LRRTM4: variants seen among roughly 807,000 people sequenced by gnomAD.
LRRTM4 encodes leucine rich repeat transmembrane neuronal 4, also known as leucine-rich repeat transmembrane neuronal protein 4.
Under a neutral mutation model 47.6 loss-of-function variants are expected in LRRTM4, and 25 were observed. That is an observed-to-expected ratio of 0.53 (90% CI 0.38 to 0.73). The LOEUF (loss-of-function observed/expected upper bound fraction) is 0.73, where lower values mean the gene tolerates loss of function less well. LRRTM4 is among the 30% of genes least tolerant of loss of function. The probability of loss-of-function intolerance (pLI) is 0.00; values close to 1 mark genes in which losing one functional copy is unlikely to be tolerated. For missense variants in LRRTM4, 638 were observed against 713.4 expected (o/e 0.89, Z 1.20); for synonymous variants, 311 against 269.5 (o/e 1.15, Z -1.51).
chr2:76,882,032 C>A (rs1672945523), intron 3 of LRRTM4, among the ~76,000 whole-genome samples: 1 of 152,092 alleles, frequency 6.6e-6, no homozygotes, highest in Non-Finnish European at 1.5e-5. Context: ...AAACCACAAT[C>A]TGGTGTAAAA....
chr2:77,170,869 T>C (rs1326778452), intron 3 of LRRTM4, among the ~76,000 whole-genome samples: 1 of 150,966 alleles, frequency 6.6e-6, no homozygotes, highest in African/African-American at 2.4e-5. Context: ...TTATTTAATT[T>C]GTGTGTAAAA....
chr2:77,452,195 T>C (rs1285792370), intron 3 of LRRTM4, among the ~76,000 whole-genome samples: 1 of 152,204 alleles, frequency 6.6e-6, no homozygotes, highest in Admixed American at 6.5e-5. Flanking sequence ...GGAGACCAGC[T>C]TACTAAAGAT....
intron 3 of LRRTM4, among the ~76,000 whole-genome samples, chr2:76,761,614 A>G (rs1317303460): frequency 6.6e-6 from 1 of 152,138 alleles, no homozygotes; most frequent in Non-Finnish European, 1.5e-5. Flanking sequence ...TTTGTAAGTA[A>G]TTTAATTTAC....
At position 77,450,960 on chromosome 2, in the gene LRRTM4, A is replaced by C. The variant is rs184458235; in HGVS notation, c.1551+67358T>G. On this transcript the variant is annotated intron_variant, in intron 3 of 3. Transcript: ENST00000409884. Reference sequence around the variant, plus strand: ...GTATTTAGCATTCAAAGAGTTCAACAATCTAACTAAGTATAACTTTCCAAC... The same window carrying C: ...GTATTTAGCATTCAAAGAGTTCAACCATCTAACTAAGTATAACTTTCCAAC... 3.8e-4 allele frequency among the ~76,000 whole-genome samples: 58 copies of C among 152,316 alleles called. 1 individual carries two copies. In the East Asian group the frequency reaches 8.3e-3, roughly 22 times the overall value.
intron 3 of LRRTM4, among the ~76,000 whole-genome samples, chr2:77,227,920 A>C (rs369204561): frequency 6.6e-6 from 1 of 152,082 alleles, no homozygotes; most frequent in Non-Finnish European, 1.5e-5. Flanking sequence ...ATGAGATATC[A>C]TAAGACTAGT....
intron 3 of LRRTM4, among the ~76,000 whole-genome samples, chr2:77,367,523 T>A (rs1304386198): frequency 6.6e-6 from 1 of 151,858 alleles, no homozygotes; most frequent in East Asian, 1.9e-4. Context: ...TCTGCTGTTT[T>A]CACCCTTTTT....
intron 3 of LRRTM4, among the ~76,000 whole-genome samples, chr2:77,141,913 G>A (rs1240011155): frequency 1.3e-5 from 2 of 152,132 alleles, no homozygotes; most frequent in Admixed American, 1.3e-4. Flanking sequence ...GACAATATGA[G>A]CCAAGGGCTT....
intron 3 of LRRTM4, among the ~76,000 whole-genome samples, chr2:76,837,757 C>CA (rs1330147043): frequency 6.6e-6 from 1 of 151,912 alleles, no homozygotes; most frequent in Non-Finnish European, 1.5e-5. Flanking sequence ...TATGCAGCCA[C>CA]AAAAAATTAT....
intron 3 of LRRTM4, among the ~76,000 whole-genome samples, chr2:76,780,320 T>G (rs893571576): frequency 6.6e-6 from 1 of 152,226 alleles, no homozygotes; most frequent in Non-Finnish European, 1.5e-5. Context: ...CTTGCTAGAT[T>G]GGGGAAGTTC....
intron 3 of LRRTM4, among the ~76,000 whole-genome samples, chr2:77,104,354 C>A (rs1671036876): frequency 6.6e-6 from 1 of 152,162 alleles, no homozygotes; most frequent in African/African-American, 2.4e-5. Context: ...ACGTGGTGGT[C>A]AGAGTGACCA....
chr2:76,763,413 T>C (rs1247971347), intron 3 of LRRTM4, among the ~76,000 whole-genome samples: 2 of 152,200 alleles, frequency 1.3e-5, no homozygotes, highest in African/African-American at 4.8e-5. Context: ...GAGAGCTCTC[T>C]CTCTGTACTT....
intron 3 of LRRTM4, among the ~76,000 whole-genome samples, chr2:77,235,568 C>A (rs971655936): frequency 3.3e-5 from 5 of 152,078 alleles, no homozygotes; most frequent in African/African-American, 1.2e-4. Flanking sequence ...CGTTTGAGGA[C>A]ATAGTCATAA....
intron 3 of LRRTM4, among the ~76,000 whole-genome samples, chr2:77,388,100 C>G (rs943693500): frequency 6.6e-6 from 1 of 150,774 alleles, no homozygotes; most frequent in Non-Finnish European, 1.5e-5. Context: ...GAGTGTGATG[C>G]AGGACTGAGG....
intron 3 of LRRTM4, among the ~76,000 whole-genome samples, chr2:76,993,273 G>A (rs546761337): frequency 2.0e-5 from 3 of 151,790 alleles, no homozygotes; most frequent in African/African-American, 7.2e-5. Context: ...TGAGAAGTAG[G>A]GACTAATTAA....
chr2:77,179,778 A>G (rs998505363), intron 3 of LRRTM4, among the ~76,000 whole-genome samples: 1 of 152,174 alleles, frequency 6.6e-6, no homozygotes, highest in Non-Finnish European at 1.5e-5. Context: ...TCCAGGATGC[A>G]GGTCTTAATA....
At chr2:77,032,292 A>G (rs996186751) in intron 3 of LRRTM4, among the ~76,000 whole-genome samples, 2 of 152,148 alleles carry the variant, frequency 1.3e-5, no homozygotes, top group African/African-American at 4.8e-5. Flanking sequence ...AATTTTCATT[A>G]TATCAGAGAG....
chr2:77,355,183 A>G (rs1671924487), intron 3 of LRRTM4, among the ~76,000 whole-genome samples: 1 of 152,204 alleles, frequency 6.6e-6, no homozygotes, highest in Admixed American at 6.5e-5. Flanking sequence ...TACCATATGT[A>G]TATGTAGGTA....
chr2:76,999,449 CA>C (rs35918882), intron 3 of LRRTM4, among the ~76,000 whole-genome samples: 13,753 of 140,292 alleles, frequency 0.098, 1,191 homozygotes, highest in East Asian at 0.23. Flanking sequence ...GGAAACAAAA[CA>C]AAAAAAAAAA....
At chr2:76,822,238 G>C (rs754473107) in intron 3 of LRRTM4, among the ~76,000 whole-genome samples, 1 of 151,232 alleles carries the variant, frequency 6.6e-6, no homozygotes, top group South Asian at 2.1e-4. Context: ...AAAAACAAGA[G>C]ATACTAAGGC....
Sources: gnomAD v4.1 joint callset for allele counts (sites outside exome capture counted in the v4.1 genomes callset) on GRCh38, gnomAD v4.1.1 for gene constraint, MANE v1.5 for transcripts, NCBI Gene and HGNC (gene_info 2026-07-23, HGNC 2026-07-21) for gene names.